The following ZNF541 variants were observed in gnomAD, a reference collection of about 807,000 sequenced individuals.
ZNF541 encodes zinc finger protein 541.
A neutral mutation model predicts 123.5 loss-of-function variants in ZNF541; 23 were observed. The ratio of observed to expected loss-of-function variants is 0.19; its 90% CI spans 0.13 to 0.26. The LOEUF (loss-of-function observed/expected upper bound fraction) is 0.26, where lower values mean the gene tolerates loss of function less well. Among genes scored for constraint, ZNF541 ranks in the 10% least tolerant of loss-of-function variants. ZNF541 has a pLI of 1.00. For missense variants in ZNF541, 1,612 were observed against 1,789.9 expected (o/e 0.90, Z 1.79); for synonymous variants, 751 against 754.5 (o/e 1.00, Z 0.08).
chr19:47,525,407 T>C (rs1969241704), intron 14 of ZNF541, among the ~76,000 whole-genome samples: 1 of 152,176 alleles, frequency 6.6e-6, no homozygotes, highest in Non-Finnish European at 1.5e-5. Context: ...ATGGATAAGC[T>C]ACTTAGAAAG....
chr19:47,530,026 T>C (rs1398710017), intron 12 of ZNF541, among the ~76,000 whole-genome samples: 2 of 152,154 alleles, frequency 1.3e-5, no homozygotes, highest in Non-Finnish European at 2.9e-5. Context: ...TAGCTAACAA[T>C]TGAAAACATT....
intron 9 of ZNF541, among the ~76,000 whole-genome samples, chr19:47,537,774 C>T (rs1568491802): frequency 6.6e-6 from 1 of 151,918 alleles, no homozygotes; most frequent in Non-Finnish European, 1.5e-5. Flanking sequence ...ATTTGGGAGT[C>T]TGAGGCTGGA....
Position 47,538,264 on chromosome 19 carries a change from C to G in ZNF541, c.2972G>C (p.Cys991Ser), listed in dbSNP as rs999015401. Residue 991 changes from cysteine (C) to serine (S), a missense_variant, in exon 9 of 17, where the codon TGC becomes TCC. Physicochemically the swap from Cys to Ser is moderately radical, Grantham distance 112 (BLOSUM62 -1). This residue lies in a region of ZNF541 where 285 missense variants were observed against 407.3 expected (regional missense o/e 0.70). Coordinates refer to ENST00000391901, the MANE Select transcript of ZNF541 (RefSeq NM_001277075.3). Reference protein sequence around the residue: ...VDCLLKGLFQCSPYTPPPMLS... With the variant: ...VDCLLKGLFQSSPYTPPPMLS... Reference sequence around the variant, plus strand: ...CATTGGGGGTGGTGTGTAGGGGGAGCACTGGAATAAGCCCTTCAGGAGGCA... The same window carrying G: ...CATTGGGGGTGGTGTGTAGGGGGAGGACTGGAATAAGCCCTTCAGGAGGCA... 9 of 1,551,176 alleles carry G rather than the reference C, an allele frequency of 5.8e-6. No homozygotes were observed. In the African/African-American group the frequency reaches 1.2e-4, roughly 21 times the overall value.
At position 47,532,355 on chromosome 19, in the gene ZNF541, C is replaced by T. The variant is rs1969613330; in HGVS notation, c.3159-85G>A. 5 of 1,449,390 alleles carry T rather than the reference C, an allele frequency of 3.4e-6. 1 individual carries two copies. The Admixed American group carries it at 8.1e-5, about 24-fold the overall frequency. 89.8% of individuals were successfully genotyped at this position (1,449,390 alleles called of 1,614,324 possible). On this transcript the variant is annotated intron_variant, in intron 10 of 16. Coordinates refer to ENST00000391901, the MANE Select transcript of ZNF541 (RefSeq NM_001277075.3). ...AAATGGAGACGCTCTGTATGCCCTGCTCTTGGGCCACAGCCTGCTCCATGG... is the reference window on the plus strand; with the variant it reads ...AAATGGAGACGCTCTGTATGCCCTGTTCTTGGGCCACAGCCTGCTCCATGG...
At chr19:47,544,104 C>T in intron 5 of ZNF541, 22 bp downstream of exon 5, 2 of 1,530,254 alleles carry the variant, frequency 1.3e-6, no homozygotes, top group Non-Finnish European at 8.8e-7. Flanking sequence ...TCTGGTCAGG[C>T]CACGTGAGAG....
chr19:47,538,830 CTG>C (rs1167648920), intron 8 of ZNF541, among the ~76,000 whole-genome samples: 1 of 152,208 alleles, frequency 6.6e-6, no homozygotes, highest in African/African-American at 2.4e-5. Context: ...GGTCCACGGA[CTG>C]TGTCCCCGAG....
rs116973725 is a variant in ZNF541, at chr19:47,542,108, G to A, written c.2404-1157C>T. ...CACGGATGAGCCTGGAAAACGTCAT[G>A]CTGAGTGAAGGAAGCCAGATACGAA... On this transcript the variant is annotated intron_variant, in intron 5 of 16. Transcript: ENST00000391901. Among the ~76,000 whole-genome samples, 828 of 152,296 alleles carry A rather than the reference G, an allele frequency of 5.4e-3. 5 individuals carry two copies. Among genetic ancestry groups the A allele is most frequent in the Non-Finnish European group, 9.4e-3 (642 of 68,042 alleles).
chr19:47,544,238 A>C lies in ZNF541; in HGVS notation c.2291T>G (p.Met764Arg). The C allele has an allele frequency of 1.3e-6, 2 of 1,551,534 alleles. No homozygotes were observed. The highest frequency in any genetic ancestry group is 1.2e-5 in the South Asian group (1 of 84,058). Residue 764 changes from methionine to arginine, a missense_variant, in exon 5 of 17, where the codon ATG becomes AGG. This residue lies in a region of ZNF541 where 1,080 missense variants were observed against 1,013.8 expected (regional missense o/e 1.07). Transcript: ENST00000391901. ...CGGAGAAGCCGCACAGCACATATCC[A>C]TCTTCGCCTTCTCTTTCCGGAAGCC... ...FSGFRKEKAK[M>R]DMCCAASPSQ...
chr19:47,557,076 C>T (rs1188744648), intron 2 of ZNF541, among the ~76,000 whole-genome samples: 3 of 152,088 alleles, frequency 2.0e-5, no homozygotes, highest in Admixed American at 1.3e-4. Flanking sequence ...TAATATTTTC[C>T]ATATAATGGG....
At chr19:47,569,540 C>T (rs1415968806) in intron 2 of ZNF541, among the ~76,000 whole-genome samples, 2 of 152,054 alleles carry the variant, frequency 1.3e-5, no homozygotes, top group Non-Finnish European at 2.9e-5. Flanking sequence ...GCTTCACACT[C>T]GTGCCTACAT....
At chr19:47,570,104 C>T (rs1443820251) in intron 2 of ZNF541, among the ~76,000 whole-genome samples, 1 of 151,222 alleles carries the variant, frequency 6.6e-6, no homozygotes, top group Non-Finnish European at 1.5e-5. Flanking sequence ...GAAATCCTGT[C>T]TGTACTAAAA....
At chr19:47,542,016 G>A (rs996591174) in intron 5 of ZNF541, among the ~76,000 whole-genome samples, 1 of 152,122 alleles carries the variant, frequency 6.6e-6, no homozygotes, top group African/African-American at 2.4e-5. Flanking sequence ...AATAAAACGC[G>A]GCCTTATCCA....
intron 11 of ZNF541, 65 bp from the exon 12 acceptor site, chr19:47,531,810 CT>C: frequency 7.1e-7 from 1 of 1,403,934 alleles, no homozygotes; most frequent in Non-Finnish European, 9.7e-7. Context: ...AGGGAGGAAC[CT>C]TTCCCGAAAG....
chr19:47,534,174 A>G (rs1039792903), intron 9 of ZNF541, among the ~76,000 whole-genome samples: 3 of 152,238 alleles, frequency 2.0e-5, no homozygotes, highest in African/African-American at 7.2e-5. Context: ...GGGGCTCAAT[A>G]GGTTTGAGTT....
At chr19:47,528,748 C>T (rs1969425935) in intron 14 of ZNF541, among the ~76,000 whole-genome samples, 1 of 152,110 alleles carries the variant, frequency 6.6e-6, no homozygotes, top group Non-Finnish European at 1.5e-5. Flanking sequence ...GCATGGAAGA[C>T]TGTTCTGTGC....
At position 47,545,172 on chromosome 19, in the gene ZNF541, T is replaced by C; in HGVS notation, c.1357A>G (p.Ser453Gly). ...GGGGACTCCTCCGAGGGGCTTCCGC[T>C]GCTGGGTCCCGGGCCAGACTCGGAG... ...EGSESGPGPS[S>G]GSPSEESPPG... The change falls in exon 5 of 17, where the codon AGC becomes GGC. Residue 453 changes from serine (S) to glycine (G), a missense_variant. Coordinates refer to ENST00000391901, the MANE Select transcript of ZNF541 (RefSeq NM_001277075.3). The surrounding 1 kb of genome is among the most constrained non-coding windows in gnomAD (Gnocchi z 7.5). 2 of 1,500,284 alleles carry C rather than the reference T, an allele frequency of 1.3e-6. No homozygotes were observed. The highest frequency in any genetic ancestry group is 1.8e-6 in the Non-Finnish European group (2 of 1,123,092). The allele number at this position is 1,500,284 out of a possible 1,614,324, so 92.9% of individuals were successfully genotyped here. A position where few individuals can be genotyped will look rare whatever the true frequency, so the allele number is the denominator to read the frequency against.
At chr19:47,562,403 G>A (rs1260931406) in intron 2 of ZNF541, among the ~76,000 whole-genome samples, 2 of 151,358 alleles carry the variant, frequency 1.3e-5, no homozygotes, top group African/African-American at 2.4e-5. Flanking sequence ...AATTAGCTGG[G>A]CGTGGTGGTG....
chr19:47,527,545 G>A (rs981218748), intron 14 of ZNF541, among the ~76,000 whole-genome samples: 5 of 151,846 alleles, frequency 3.3e-5, no homozygotes, highest in Non-Finnish European at 4.4e-5. Context: ...ACAAGCACGC[G>A]GCACCATGCT....
In ZNF541 at chr19:47,545,366, C is replaced by A. The variant is rs753872049; in HGVS notation, c.1163G>T (p.Gly388Val). Residue 388 changes from glycine to valine, a missense_variant, in exon 5 of 17, where the codon GGC becomes GTC. Physicochemically the swap from Gly to Val is moderately radical, Grantham distance 109 (BLOSUM62 -3). This residue lies in a region of ZNF541 where 1,080 missense variants were observed against 1,013.8 expected (regional missense o/e 1.07). Coordinates refer to ENST00000391901, the MANE Select transcript of ZNF541 (RefSeq NM_001277075.3). This position sits in a 1 kb window ranked among gnomAD's most constrained non-coding sequence, Gnocchi z 7.5. ...RSTAECWPEG[G>V]SVPACLPLFR... The stretch of plus-strand genomic sequence containing the variant: ...GAGAGGCAGGCAGGCAGGCACGGAG[C>A]CGCCTTCGGGCCAGCACTCCGCGGT... 2 of 1,539,122 alleles carry A rather than the reference C, an allele frequency of 1.3e-6. No individual in the cohort carries two copies. The highest frequency in any genetic ancestry group is 1.8e-6 in the Non-Finnish European group (2 of 1,140,900).
Sources: allele counts gnomAD v4.1 joint callset (sites outside exome capture counted in the v4.1 genomes callset), GRCh38; gene constraint gnomAD v4.1.1; regional missense constraint gnomAD v4.1.1; non-coding constraint Gnocchi (gnomAD v3.1); transcripts MANE v1.5; gene names NCBI Gene and HGNC (gene_info 2026-07-23, HGNC 2026-07-21).